Variants in CLIC4 observed in about 807,000 individuals in gnomAD.
CLIC4 encodes chloride intracellular channel protein 4.
A neutral mutation model predicts 24.6 loss-of-function variants in CLIC4; 13 were observed. The ratio of observed to expected loss-of-function variants is 0.53; its 90% CI spans 0.34 to 0.84. The LOEUF (loss-of-function observed/expected upper bound fraction) is 0.84, where lower values mean the gene tolerates loss of function less well. Ranked by LOEUF, CLIC4 falls within the 40% of genes least tolerant of loss-of-function variation. The pLI, the probability that CLIC4 is intolerant of heterozygous loss-of-function variation, is 0.01. For missense variants in CLIC4, 227 were observed against 301.7 expected (o/e 0.75, Z 1.83); for synonymous variants, 104 against 111.3 (o/e 0.93, Z 0.41).
chr1:24,836,618 A>G (rs1390775840), intron 4 of CLIC4, among the ~76,000 whole-genome samples: 2 of 152,178 alleles, frequency 1.3e-5, no homozygotes, highest in Middle Eastern at 3.2e-3. Context: ...TGGGCAGATC[A>G]CTTGAGCTCA....
chr1:24,830,032 CTT>C (rs1639824528), intron 4 of CLIC4, among the ~76,000 whole-genome samples: 1 of 152,090 alleles, frequency 6.6e-6, no homozygotes, highest in Admixed American at 6.5e-5. Flanking sequence ...AATTTTTAGT[CTT>C]TGTTTTAGTC....
intron 1 of CLIC4, among the ~76,000 whole-genome samples, chr1:24,790,352 G>A (rs1217680925): frequency 6.6e-6 from 1 of 152,234 alleles, no homozygotes; most frequent in Non-Finnish European, 1.5e-5. Context: ...GATTACAGGT[G>A]TGAGCCACCA....
chr1:24,748,051 A>G (rs1025854047), intron 1 of CLIC4, among the ~76,000 whole-genome samples: 22 of 151,754 alleles, frequency 1.4e-4, no homozygotes, highest in Non-Finnish European at 2.1e-4. Context: ...AGATAAAGCT[A>G]TTATCAGTTA....
intron 4 of CLIC4, among the ~76,000 whole-genome samples, chr1:24,836,354 A>G (rs1268313368): frequency 6.6e-6 from 1 of 152,222 alleles, no homozygotes; most frequent in African/African-American, 2.4e-5. Flanking sequence ...AATACAGTGA[A>G]CAAATTTAAT....
intron 2 of CLIC4, among the ~76,000 whole-genome samples, chr1:24,800,494 G>A (rs1224195975): frequency 2.3e-4 from 35 of 151,340 alleles, no homozygotes; most frequent in African/African-American, 7.0e-4. Flanking sequence ...GGTGAGGGGC[G>A]CCTCTGCCCG....
chr1:24,824,885 C>T (rs991775660), intron 3 of CLIC4, among the ~76,000 whole-genome samples: 1 of 151,762 alleles, frequency 6.6e-6, no homozygotes, highest in African/African-American at 2.4e-5. Flanking sequence ...CCTGTAGTCC[C>T]AGCTACTCAG....
intron 1 of CLIC4, among the ~76,000 whole-genome samples, chr1:24,780,748 G>A (rs1011549018): frequency 1.3e-5 from 2 of 152,196 alleles, no homozygotes; most frequent in African/African-American, 4.8e-5. Flanking sequence ...TTACAAGATC[G>A]TCTAATAAGT....
intron 1 of CLIC4, among the ~76,000 whole-genome samples, chr1:24,760,024 C>G (rs1638901478): frequency 6.6e-6 from 1 of 152,064 alleles, no homozygotes; most frequent in African/African-American, 2.4e-5. Flanking sequence ...CATGTTATAT[C>G]TGCTAATTTT....
intron 1 of CLIC4, among the ~76,000 whole-genome samples, chr1:24,756,022 C>T (rs1285602114): frequency 4.4e-4 from 55 of 123,650 alleles, no homozygotes; most frequent in Admixed American, 1.9e-3. Flanking sequence ...TTTTTTGAGA[C>T]GGAGTCTTGC....
Position 24,745,523 on chromosome 1 carries a change from T to C in CLIC4, c.-31T>C. 6.4e-7 allele frequency: 1 copy of C among 1,561,170 alleles called. No individual in the cohort carries two copies. Among genetic ancestry groups the C allele is most frequent in the East Asian group, 2.4e-5 (1 of 41,266 alleles). The stretch of plus-strand genomic sequence containing the variant: ...GAAGCAGCAGCAGCAGCAGCAGCCC[T>C]CGCCGTTCGCGGAGCGCAGCCGAGC... On this transcript the variant is annotated 5_prime_UTR_variant, in exon 1 of 6. Coordinates refer to ENST00000374379, the MANE Select transcript of CLIC4 (RefSeq NM_013943.3).
At chr1:24,745,733 C>T in intron 1 of CLIC4, 108 bp downstream of exon 1, 1 of 852,442 alleles carries the variant, frequency 1.2e-6, no homozygotes, top group Non-Finnish European at 1.7e-6. Context: ...GGCGCCAGCA[C>T]CCGTCCCGCT....
chr1:24,827,873 T>A (rs1001118113), intron 4 of CLIC4, among the ~76,000 whole-genome samples: 2 of 152,162 alleles, frequency 1.3e-5, no homozygotes, highest in Admixed American at 6.6e-5. Flanking sequence ...GTAATTTCCT[T>A]TTCTCTTCGG....
chr1:24,766,077 C>T (rs1174688567), intron 1 of CLIC4, among the ~76,000 whole-genome samples: 1 of 152,060 alleles, frequency 6.6e-6, no homozygotes, highest in Non-Finnish European at 1.5e-5. Flanking sequence ...GATCTCAGCT[C>T]ACTGCAGCAG....
rs966306554 is a variant in CLIC4, at chr1:24,841,041, A to G, written c.*104A>G. 3 of 940,170 alleles carry G rather than the reference A, an allele frequency of 3.2e-6. No homozygotes were observed. Among genetic ancestry groups the G allele is most frequent in the Non-Finnish European group, 3.2e-6 (2 of 632,450 alleles). The allele number at this position is 940,170 out of a possible 1,614,324, so 58.2% of individuals were successfully genotyped here. The stretch of plus-strand genomic sequence containing the variant: ...AGCAGAAATTGTATTTTGCACGAAC[A>G]TGCAGTTATTGAAGATTAGGATCAA... On this transcript the variant is annotated 3_prime_UTR_variant, in exon 6 of 6. Coordinates refer to ENST00000374379, the MANE Select transcript of CLIC4 (RefSeq NM_013943.3).
At chr1:24,769,172 G>A (rs1317336292) in intron 1 of CLIC4, among the ~76,000 whole-genome samples, 1 of 152,102 alleles carries the variant, frequency 6.6e-6, no homozygotes, top group African/African-American at 2.4e-5. Context: ...TAAGAATCAT[G>A]AAGTGACTTT....
chr1:24,765,743 G>C (rs12072324), intron 1 of CLIC4, among the ~76,000 whole-genome samples: 1 of 151,998 alleles, frequency 6.6e-6, no homozygotes, highest in Non-Finnish European at 1.5e-5. Flanking sequence ...CCCAAAATCA[G>C]AGCCAGGGAT....
At chr1:24,777,894 A>G (rs1391336428) in intron 1 of CLIC4, 1 of 152,230 alleles carries the variant, frequency 6.6e-6, no homozygotes, top group Non-Finnish European at 1.5e-5. Context: ...ATGCTTCACA[A>G]ATTTGTGCGT....
chr1:24,752,503 TG>T (rs891417238), intron 1 of CLIC4, among the ~76,000 whole-genome samples: 4 of 152,068 alleles, frequency 2.6e-5, no homozygotes, highest in African/African-American at 9.7e-5. Context: ...CTGTTGCCAG[TG>T]GGGGGTGGAA....
intron 2 of CLIC4, among the ~76,000 whole-genome samples, chr1:24,812,658 TTTGTGGAGGC>T (rs1338210869): frequency 1.3e-5 from 2 of 152,210 alleles, no homozygotes; most frequent in Non-Finnish European, 2.9e-5. Flanking sequence ...AATTATGTAT[TTTGTGGAGGC>T]TTGCTTCTTA....
Sources: allele counts gnomAD v4.1 joint callset (sites outside exome capture counted in the v4.1 genomes callset), GRCh38; gene constraint gnomAD v4.1.1; transcripts MANE v1.5; gene names NCBI Gene and HGNC (gene_info 2026-07-23, HGNC 2026-07-21).